ADAMTSL2: variants seen among roughly 807,000 people sequenced by gnomAD.
ADAMTSL2 encodes the protein ADAMTS like 2.
Under a neutral mutation model 117.0 loss-of-function variants are expected in ADAMTSL2, and 55 were observed. That is an observed-to-expected ratio of 0.47 (90% CI 0.38 to 0.59). The LOEUF (loss-of-function observed/expected upper bound fraction) is 0.59. Among genes scored for constraint, ADAMTSL2 ranks in the 20% least tolerant of loss-of-function variants. ADAMTSL2 has a pLI of 0.00. For missense variants in ADAMTSL2, 1,182 were observed against 1,354.5 expected (o/e 0.87, Z 2.00); for synonymous variants, 572 against 566.4 (o/e 1.01, Z -0.14).
At chr9:133,571,016 C>T (rs1378805239) in intron 17 of ADAMTSL2, among the ~76,000 whole-genome samples, 2 of 152,230 alleles carry the variant, frequency 1.3e-5, no homozygotes, top group African/African-American at 4.8e-5. Flanking sequence ...GGTCTGGCCC[C>T]TCCGAGATTC....
At chr9:133,569,385 C>T (rs1831052341) in intron 15 of ADAMTSL2, 23 bp from the exon 16 acceptor site, 3 of 1,611,560 alleles carry the variant, frequency 1.9e-6, no homozygotes, top group Non-Finnish European at 2.5e-6. Flanking sequence ...CTGGATGTCC[C>T]CTGCCTGTCC....
rs1588310279 is a variant in ADAMTSL2 at position 133,569,448 on chromosome 9, T to C, written c.2285T>C (p.Val762Ala). 6.2e-7 allele frequency: 1 copy of C among 1,613,466 alleles called. No homozygotes were observed. Among genetic ancestry groups the C allele is most frequent in the Admixed American group, 1.7e-5 (1 of 59,998 alleles). ...GGGCAAGGCCGCACCATCAGGCACG[T>C]GTACTGCAAGACCAGCGACGGACGG... ...SCGQGRTIRH[V>A]YCKTSDGRVV... The change falls in exon 16 of 19, where the codon GTG (valine) becomes GCG (alanine). Residue 762 changes from valine to alanine, a missense_variant. Transcript: ENST00000651351.
chr9:133,532,775 G>A (rs879467690), upstream of ADAMTSL2, among the ~76,000 whole-genome samples: 23 of 152,178 alleles, frequency 1.5e-4, no homozygotes, highest in Non-Finnish European at 3.2e-4. Context: ...AGGCTCTGGG[G>A]TAAGGGGTGG....
chr9:133,561,083 G>C (rs1337385899), intron 11 of ADAMTSL2, 115 bp from the exon 12 acceptor site: 3 of 855,016 alleles, frequency 3.5e-6, no homozygotes, highest in Admixed American at 4.0e-5. Flanking sequence ...CTCAGGACAG[G>C]TGTGTGCTTC....
intron 17 of ADAMTSL2, among the ~76,000 whole-genome samples, chr9:133,573,220 C>T (rs969465575): frequency 1.1e-4 from 16 of 152,340 alleles, no homozygotes; most frequent in African/African-American, 3.8e-4. Context: ...GGAGCCACCG[C>T]CTGTGGGATC....
In ADAMTSL2 at chr9:133,537,433, A is replaced by T; in HGVS notation, c.119A>T (p.Glu40Val). The change falls in exon 3 of 19, where the codon GAG becomes GTG. Residue 40 changes from glutamate (E) to valine (V), a missense_variant. Coordinates refer to ENST00000651351, the MANE Select transcript of ADAMTSL2 (RefSeq NM_014694.4). ...AACAGCCCAACATCCAATAGCCTGG[A>T]GGGGGGCACCGACGCCACGGCCTTC... is the stretch of plus-strand genomic sequence containing the variant. ...TDNSPTSNSL[E>V]GGTDATAFWW... 1 of 1,345,186 alleles carries T rather than the reference A, an allele frequency of 7.4e-7. No homozygotes were observed. Among genetic ancestry groups the T allele is most frequent in the Non-Finnish European group, 9.6e-7 (1 of 1,039,660 alleles). 83.3% of individuals were successfully genotyped at this position (1,345,186 alleles called of 1,614,324 possible). A position where few individuals can be genotyped will look rare whatever the true frequency, so the allele number is the denominator to read the frequency against.
chr9:133,568,813 C>T, intron 15 of ADAMTSL2, 55 bp downstream of exon 15: 2 of 1,610,558 alleles, frequency 1.2e-6, no homozygotes, highest in Non-Finnish European at 8.5e-7. Flanking sequence ...GGACCCAGAG[C>T]TTTGCCTTGA....
chr9:133,567,971 C>T (rs1445053697), intron 13 of ADAMTSL2, among the ~76,000 whole-genome samples: 1 of 152,236 alleles, frequency 6.6e-6, no homozygotes, highest in Non-Finnish European at 1.5e-5. Context: ...TTGCCAGAAT[C>T]CTGTGGGCGC....
chr9:133,573,815 C>T (rs1478804448), intron 17 of ADAMTSL2, 28 bp from the exon 18 acceptor site: 1 of 1,613,844 alleles, frequency 6.2e-7, no homozygotes, highest in Non-Finnish European at 8.5e-7. Context: ...GGAGGCTTTC[C>T]CCATGCCTTC....
chr9:133,563,481 T>C (rs1830796383), intron 12 of ADAMTSL2, among the ~76,000 whole-genome samples: 2 of 152,188 alleles, frequency 1.3e-5, no homozygotes, highest in South Asian at 4.1e-4. Flanking sequence ...TGCAAACATC[T>C]GTGATTCCTC....
intron 18 of ADAMTSL2, 102 bp downstream of exon 18, chr9:133,574,089 G>A (rs1831173140): frequency 5.5e-6 from 8 of 1,465,200 alleles, no homozygotes; most frequent in East Asian, 2.5e-5. Context: ...CCTTGATGGC[G>A]AGCCTGGGAA....
chr9:133,555,586 C>G lies in ADAMTSL2; in HGVS notation c.1305C>G (p.Thr435=). ...GCAACGTCACGGGGACTCCTCTCAC[C>G]GGGGACAAGGATGACGAAGAGGTTG... The part of the protein sequence containing the change: ...RDRNVTGTPL[T]GDKDDEEVDT... Residue 435 remains threonine, a synonymous_variant, in exon 11 of 19, where the codon ACC becomes ACG. Coordinates refer to ENST00000651351, the MANE Select transcript of ADAMTSL2 (RefSeq NM_014694.4). 2 of 1,613,172 alleles carry G rather than the reference C, an allele frequency of 1.2e-6. No homozygotes were observed. Among genetic ancestry groups the G allele is most frequent in the Non-Finnish European group, 1.7e-6 (2 of 1,180,036 alleles).
chr9:133,574,130 T>TGG (rs1347374652), intron 18 of ADAMTSL2, 143 bp downstream of exon 18: 4 of 1,137,684 alleles, frequency 3.5e-6, no homozygotes, highest in Non-Finnish European at 5.0e-6. Flanking sequence ...GTGCAGGGAG[T>TGG]GGGGGCTCCC....
chr9:133,565,049 A>G (rs1830932720), intron 12 of ADAMTSL2, among the ~76,000 whole-genome samples: 1 of 152,122 alleles, frequency 6.6e-6, no homozygotes, highest in African/African-American at 2.4e-5. Context: ...GCCTCGGCTC[A>G]GGTCATAGGT....
In ADAMTSL2 at chr9:133,554,383, C is replaced by T; in HGVS notation, c.966C>T (p.Pro322=). 1.9e-6 allele frequency: 3 copies of T among 1,560,788 alleles called. No individual in the cohort carries two copies. The change falls in exon 10 of 19, where the codon CCC becomes CCT. Residue 322 remains proline, a synonymous_variant. Coordinates refer to ENST00000651351, the MANE Select transcript of ADAMTSL2 (RefSeq NM_014694.4). The surrounding 1 kb of genome is among the most constrained non-coding windows in gnomAD (Gnocchi z 5.2). ...TGTGGAACCAGAACGGCAAAAGCCC[C>T]TCCATCACCTTCGAGTACACGCTGC... ...VMVWNQNGKS[P]SITFEYTLLQ...
At chr9:133,564,455 G>A (rs1211240063) in intron 12 of ADAMTSL2, among the ~76,000 whole-genome samples, 202 of 4,798 alleles carry the variant, frequency 0.042, no homozygotes, top group Admixed American at 0.061. Flanking sequence ...GGAGAGAGAG[G>A]GAGAGAGGGA....
chr9:133,534,686 C>A (rs541316193), upstream of ADAMTSL2: 2 of 1,351,672 alleles, frequency 1.5e-6, no homozygotes, highest in Non-Finnish European at 1.9e-6. Flanking sequence ...TAAAGGCGGC[C>A]GCCGGCGCAG....
upstream of ADAMTSL2, chr9:133,534,516 T>C: frequency 7.1e-6 from 4 of 565,884 alleles, no homozygotes; most frequent in Non-Finnish European, 7.9e-6. Context: ...TCGCCGCTCC[T>C]GGGCCGCCGC....
At chr9:133,551,397 G>T (rs565814364) in intron 9 of ADAMTSL2, among the ~76,000 whole-genome samples, 1 of 152,080 alleles carries the variant, frequency 6.6e-6, no homozygotes, top group Admixed American at 6.6e-5. Flanking sequence ...CAGCTTTGTC[G>T]TACCCTCTGG....
Sources: allele counts gnomAD v4.1 joint callset (sites outside exome capture counted in the v4.1 genomes callset), GRCh38; gene constraint gnomAD v4.1.1; non-coding constraint Gnocchi (gnomAD v3.1); transcripts MANE v1.5; gene names NCBI Gene and HGNC (gene_info 2026-07-23, HGNC 2026-07-21).